Variants in USP24 observed in about 807,000 individuals in gnomAD.
The protein encoded by USP24 is ubiquitin specific peptidase 24.
USP24 carries 97 observed loss-of-function variants against 361.6 expected under a neutral mutation model. The observed-to-expected ratio is 0.27, with a 90% CI of 0.23 to 0.32. The LOEUF (loss-of-function observed/expected upper bound fraction) is 0.32. Among genes scored for constraint, USP24 ranks in the 10% least tolerant of loss-of-function variants. The probability of loss-of-function intolerance (pLI) is 1.00; values close to 1 mark genes in which losing one functional copy is unlikely to be tolerated. For missense variants in USP24, 2,353 were observed against 3,165.6 expected (o/e 0.74, Z 6.16); for synonymous variants, 1,098 against 1,124.6 (o/e 0.98, Z 0.47).
At chr1:55,085,401 T>C (rs1388198087) in intron 56 of USP24, among the ~76,000 whole-genome samples, 1 of 152,258 alleles carries the variant, frequency 6.6e-6, no homozygotes, top group East Asian at 1.9e-4. Context: ...GAAGCCAATT[T>C]GTTGTGAAAA....
intron 59 of USP24, among the ~76,000 whole-genome samples, chr1:55,080,345 A>G (rs1483992470): frequency 6.6e-6 from 1 of 152,292 alleles, no homozygotes; most frequent in East Asian, 1.9e-4. Flanking sequence ...GAGAGTCAAT[A>G]AGCATTTCTC....
chr1:55,176,284 A>G (rs1231475369), intron 3 of USP24, 92 bp downstream of exon 3: 1 of 1,201,142 alleles, frequency 8.3e-7, no homozygotes. Context: ...TCTTATACAT[A>G]AAAAACTAAA....
chr1:55,119,707 A>G (rs1335699395), intron 38 of USP24, among the ~76,000 whole-genome samples: 4 of 151,848 alleles, frequency 2.6e-5, no homozygotes, highest in Non-Finnish European at 5.9e-5. Context: ...ATATATAGAT[A>G]TATATATCTC....
chr1:55,071,353 CT>C (rs1228397429), intron 67 of USP24: 1 of 988,810 alleles, frequency 1.0e-6, no homozygotes, highest in Non-Finnish European at 1.2e-6. Context: ...GTTTTTTTTT[CT>C]TTTTTTAAAA....
At chr1:55,184,446 A>G (rs984729304) in intron 1 of USP24, among the ~76,000 whole-genome samples, 3 of 152,238 alleles carry the variant, frequency 2.0e-5, no homozygotes, top group Non-Finnish European at 4.4e-5. Context: ...CAGAGATCTA[A>G]AACACAGAAA....
At chr1:55,158,642 G>C (rs1366857922) in intron 10 of USP24, among the ~76,000 whole-genome samples, 1 of 152,068 alleles carries the variant, frequency 6.6e-6, no homozygotes, top group East Asian at 1.9e-4. Context: ...TTATATTCTA[G>C]GAAATTTCAC....
chr1:55,074,903 C>T (rs74072687), intron 63 of USP24, among the ~76,000 whole-genome samples: 5,663 of 152,112 alleles, frequency 0.037, 336 homozygotes, highest in African/African-American at 0.13. Flanking sequence ...AGTGGAAATA[C>T]AGGTAAATGG....
At chr1:55,080,231 A>C (rs1316732295) in intron 59 of USP24, among the ~76,000 whole-genome samples, 1 of 152,160 alleles carries the variant, frequency 6.6e-6, no homozygotes, top group Non-Finnish European at 1.5e-5. Flanking sequence ...AATTGTCTGA[A>C]CTCACAAAAT....
At chr1:55,119,267 A>G (rs560232344) in intron 38 of USP24, among the ~76,000 whole-genome samples, 1 of 152,348 alleles carries the variant, frequency 6.6e-6, no homozygotes, top group East Asian at 1.9e-4. Context: ...TTCATGCTAC[A>G]ACATGAATAA....
At chr1:55,197,248 A>C (rs1367045335) in intron 1 of USP24, among the ~76,000 whole-genome samples, 1 of 151,880 alleles carries the variant, frequency 6.6e-6, no homozygotes, top group Non-Finnish European at 1.5e-5. Context: ...CCCCCTACCC[A>C]CTGCTGTCCA....
chr1:55,122,226 CTG>C (rs1350010987), intron 36 of USP24, among the ~76,000 whole-genome samples: 1 of 152,058 alleles, frequency 6.6e-6, no homozygotes, highest in Non-Finnish European at 1.5e-5. Context: ...AAGAAGAGCA[CTG>C]TAATTTTTTT....
intron 6 of USP24, 150 bp downstream of exon 6, chr1:55,166,417 CA>C (rs1436581644): frequency 2.1e-5 from 16 of 777,188 alleles, no homozygotes; most frequent in Middle Eastern, 3.7e-4. Flanking sequence ...ATTGTACATA[CA>C]AAAAAAGGAA....
chr1:55,140,367 C>T (rs1028396454), intron 24 of USP24, among the ~76,000 whole-genome samples: 2 of 152,060 alleles, frequency 1.3e-5, no homozygotes, highest in African/African-American at 4.8e-5. Flanking sequence ...ATTACAAACA[C>T]ATAATTGGGA....
chr1:55,160,826 T>C (rs561142936), intron 8 of USP24, among the ~76,000 whole-genome samples: 1 of 152,344 alleles, frequency 6.6e-6, no homozygotes, highest in Admixed American at 6.5e-5. Flanking sequence ...TAAAACCCAA[T>C]CCTGACCCTG....
chr1:55,107,640 G>A (rs1459595434), intron 39 of USP24, among the ~76,000 whole-genome samples: 4 of 151,680 alleles, frequency 2.6e-5, no homozygotes, highest in African/African-American at 4.8e-5. Flanking sequence ...TCAGGAGTTC[G>A]AGACCAGCCT....
rs748035651 is a variant in USP24, at chr1:55,134,371, C to T, written c.3244G>A (p.Val1082Ile). Residue 1082 changes from valine (V) to isoleucine (I), a missense_variant, in exon 29 of 68, where the codon GTA becomes ATA. By Grantham distance (29) the Val-to-Ile change is conservative. Transcript: ENST00000294383. ...PGVVMALVCN[V>I]FDMLYQLANL... ...GCGAGCTGATAAAGCATGTCAAATA[C>T]GTTACATACGAGAGCCATCACTACA... 3.7e-6 allele frequency: 6 copies of T among 1,612,734 alleles called. No homozygotes were observed. The highest frequency in any genetic ancestry group is 1.6e-4 in the Middle Eastern group (1 of 6,078).
chr1:55,095,897 C>T (rs1365133415), intron 50 of USP24, among the ~76,000 whole-genome samples: 1 of 152,162 alleles, frequency 6.6e-6, no homozygotes, highest in Non-Finnish European at 1.5e-5. Context: ...GAATCCAATA[C>T]AGCTAAAAAT....
chr1:55,199,197 G>A (rs977114241), intron 1 of USP24, among the ~76,000 whole-genome samples: 40 of 152,072 alleles, frequency 2.6e-4, no homozygotes, highest in African/African-American at 9.2e-4. Context: ...GCTCAGGCAC[G>A]AGAATCACTT....
intron 28 of USP24, among the ~76,000 whole-genome samples, chr1:55,135,731 T>C (rs750178531): frequency 6.6e-5 from 10 of 152,092 alleles, no homozygotes; most frequent in Non-Finnish European, 1.2e-4. Flanking sequence ...TAAAGAAATA[T>C]ATATAATAAC....
Sources: gnomAD v4.1 joint callset for allele counts (sites outside exome capture counted in the v4.1 genomes callset) on GRCh38, gnomAD v4.1.1 for gene constraint, MANE v1.5 for transcripts, NCBI Gene and HGNC (gene_info 2026-07-23, HGNC 2026-07-21) for gene names.